Variants in UPP2 observed in about 807,000 individuals in gnomAD.
UPP2 encodes UPase 2.
In UPP2, 23 loss-of-function variants were observed where a neutral mutation model predicts 26.7. The ratio of observed to expected loss-of-function variants is 0.86; its 90% CI spans 0.62 to 1.22. UPP2 has a LOEUF of 1.22. UPP2 is among the 50% of genes most tolerant of loss of function. The pLI is 0.00. For missense variants in UPP2, 387 were observed against 396.7 expected, an observed-to-expected ratio of 0.98 and a Z score of 0.21; for synonymous variants, 127 against 141.3, an observed-to-expected ratio of 0.90 and a Z score of 0.72.
chr2:158,023,237 G>GGGGC lies in UPP2; in HGVS notation c.147+7353_147+7354insGCGG, dbSNP rs1318242010. Among the ~76,000 whole-genome samples the GGGGC allele has an allele frequency of 5.0e-5, 7 of 141,112 alleles. 1 individual carries two copies. Among genetic ancestry groups the GGGGC allele is most frequent in the Non-Finnish European group, 1.1e-4 (7 of 63,906 alleles). 92.6% of individuals were successfully genotyped at this position (141,112 alleles called of 152,430 possible). A position where few individuals can be genotyped will look rare whatever the true frequency, so the allele number is the denominator to read the frequency against. On this transcript the variant is annotated intron_variant, in intron 3 of 9. Transcript: ENST00000605860. Reference sequence around the variant, plus strand: ...CATGGGGTTGCTGTCAGTTGGGGGGGGGCATTTGGAAGGCTTTCAGTCCAG... The same window carrying GGGGC: ...CATGGGGTTGCTGTCAGTTGGGGGGGGGGCGGCATTTGGAAGGCTTTCAGTCCAG...
intron 3 of UPP2, among the ~76,000 whole-genome samples, chr2:158,080,652 A>G (rs1051454106): frequency 2.0e-5 from 3 of 152,202 alleles, no homozygotes. Flanking sequence ...CAGCTAGTCC[A>G]GTTCAAATCA....
intron 3 of UPP2, among the ~76,000 whole-genome samples, chr2:158,068,554 C>A (rs541696433): frequency 2.6e-5 from 4 of 151,428 alleles, no homozygotes; most frequent in Admixed American, 2.0e-4. Context: ...ATGACAGAGA[C>A]GGGGGCAGGG....
intron 3 of UPP2, among the ~76,000 whole-genome samples, chr2:158,067,495 G>C (rs940481276): frequency 2.0e-5 from 3 of 152,116 alleles, no homozygotes; most frequent in African/African-American, 4.8e-5. Flanking sequence ...TGCCTTTGTG[G>C]GGAGAGGGAG....
chr2:158,027,054 A>C (rs1683844078), intron 3 of UPP2, among the ~76,000 whole-genome samples: 1 of 152,160 alleles, frequency 6.6e-6, no homozygotes, highest in Non-Finnish European at 1.5e-5. Flanking sequence ...ATTCAAGATG[A>C]GATTTGGGTG....
chr2:158,087,672 C>A (rs1682838592), intron 3 of UPP2, among the ~76,000 whole-genome samples: 2 of 152,110 alleles, frequency 1.3e-5, no homozygotes, highest in South Asian at 4.1e-4. Flanking sequence ...TTTAGCAGCT[C>A]TTATAGAGCT....
intron 3 of UPP2, among the ~76,000 whole-genome samples, chr2:158,061,332 G>A (rs1406507616): frequency 6.6e-6 from 1 of 152,140 alleles, no homozygotes; most frequent in Non-Finnish European, 1.5e-5. Context: ...CCTCACACAA[G>A]GCCTTAGTGT....
At chr2:158,109,261 A>G (rs1275272970) in intron 2 of UPP2, among the ~76,000 whole-genome samples, 3 of 152,156 alleles carry the variant, frequency 2.0e-5, no homozygotes, top group Admixed American at 2.0e-4. Flanking sequence ...CTCTGGGTGT[A>G]TAAAGCTGAA....
intron 3 of UPP2, among the ~76,000 whole-genome samples, chr2:158,018,467 C>A (rs1163128267): frequency 1.3e-5 from 2 of 152,224 alleles, no homozygotes; most frequent in African/African-American, 2.4e-5. Context: ...TCTCCTCCTC[C>A]CTTTTCTCTC....
chr2:158,099,240 C>T (rs1683033437), upstream of UPP2, among the ~76,000 whole-genome samples: 1 of 152,128 alleles, frequency 6.6e-6, no homozygotes, highest in African/African-American at 2.4e-5. Context: ...ATGGTGTATG[C>T]TCAGTTAATA....
chr2:158,087,314 T>C (rs964356080), intron 3 of UPP2, among the ~76,000 whole-genome samples: 1 of 152,204 alleles, frequency 6.6e-6, no homozygotes, highest in African/African-American at 2.4e-5. Flanking sequence ...CTACTCCTGC[T>C]CATTTTTGAT....
intron 2 of UPP2, among the ~76,000 whole-genome samples, chr2:158,007,629 C>CT (rs201694046): frequency 3.2e-3 from 453 of 142,642 alleles, no homozygotes; most frequent in South Asian, 0.015. Flanking sequence ...CTCTCTCTCT[C>CT]TTTTTTTTTT....
rs116781773 is a variant in UPP2 at position 158,011,216 on chromosome 2, G to A, written c.62-4585G>A. Among the ~76,000 whole-genome samples the A allele has an allele frequency of 3.3e-3, 505 of 152,254 alleles. 1 individual carries two copies. The highest frequency in any genetic ancestry group is 4.1e-3 in the Non-Finnish European group (281 of 68,028). On this transcript the variant is annotated intron_variant, in intron 2 of 9. Coordinates refer to the UPP2 transcript ENST00000605860. ...GTTTCACACGGCAGAAATACAATAG[G>A]AAATAGCTTCAGAAGAATGCGAAGG...
intron 2 of UPP2, among the ~76,000 whole-genome samples, chr2:158,108,456 A>G (rs1683240627): frequency 6.6e-6 from 1 of 152,192 alleles, no homozygotes; most frequent in African/African-American, 2.4e-5. Flanking sequence ...CACAAAAACA[A>G]AAACAAAAAA....
At chr2:158,013,671 G>A (rs751530744) in intron 2 of UPP2, among the ~76,000 whole-genome samples, 39 of 152,222 alleles carry the variant, frequency 2.6e-4, no homozygotes, top group Non-Finnish European at 5.0e-4. Context: ...GAGTTCCTGC[G>A]TGGCAACAGG....
At chr2:158,009,574 A>T (rs1188617049) in intron 2 of UPP2, among the ~76,000 whole-genome samples, 1 of 152,242 alleles carries the variant, frequency 6.6e-6, no homozygotes, top group Non-Finnish European at 1.5e-5. Context: ...TTTTCTTGTC[A>T]TAGCACTGGG....
At chr2:158,092,230 G>GT (rs1002675945) in intron 3 of UPP2, among the ~76,000 whole-genome samples, 1 of 152,036 alleles carries the variant, frequency 6.6e-6, no homozygotes, top group African/African-American at 2.4e-5. Context: ...TAACAGACAG[G>GT]TTTTTTCATA....
chr2:158,116,781 G>A (rs931196580), intron 3 of UPP2, among the ~76,000 whole-genome samples: 1 of 152,172 alleles, frequency 6.6e-6, no homozygotes, highest in African/African-American at 2.4e-5. Context: ...TAGTCACAGA[G>A]CCAGTTCCAA....
chr2:158,010,763 C>CT (rs34328148), intron 2 of UPP2, among the ~76,000 whole-genome samples: 185 of 82,928 alleles, frequency 2.2e-3, no homozygotes, highest in South Asian at 4.4e-3. Context: ...CCCTCTTTTT[C>CT]TTTTTTTTTT....
chr2:158,070,574 C>G (rs377394816), intron 3 of UPP2, among the ~76,000 whole-genome samples: 1 of 152,216 alleles, frequency 6.6e-6, no homozygotes, highest in Non-Finnish European at 1.5e-5. Flanking sequence ...GCATTTTTCA[C>G]TAAAAATATT....
Sources: allele counts gnomAD v4.1 joint callset (sites outside exome capture counted in the v4.1 genomes callset), GRCh38; gene constraint gnomAD v4.1.1; transcripts MANE v1.5; gene names NCBI Gene and HGNC (gene_info 2026-07-23, HGNC 2026-07-21).